The following CTNNA3 variants were observed in gnomAD, a reference collection of about 807,000 sequenced individuals.
CTNNA3 encodes the protein catenin alpha 3.
A neutral mutation model predicts 95.7 loss-of-function variants in CTNNA3; 76 were observed. That is an observed-to-expected ratio of 0.79 (90% confidence interval 0.66 to 0.96). The LOEUF (loss-of-function observed/expected upper bound fraction) is 0.96. Among genes scored for constraint, CTNNA3 ranks in the 40% least tolerant of loss-of-function variants. The pLI is 0.00. For synonymous variants in CTNNA3, 431 were observed against 374.4 expected, an observed-to-expected ratio of 1.15 and a Z score of -1.74; for missense variants, 1,191 against 1,089.8, an observed-to-expected ratio of 1.09 and a Z score of -1.31.
chr10:67,760,261 C>T (rs146142627), intron 1 of CTNNA3, among the ~76,000 whole-genome samples: 1 of 152,272 alleles, frequency 6.6e-6, no homozygotes, highest in African/African-American at 2.4e-5. Flanking sequence ...CTGACATATG[C>T]CTTCAACATT....
chr10:66,635,780 T>G (rs538609146), intron 9 of CTNNA3, among the ~76,000 whole-genome samples: 2 of 152,108 alleles, frequency 1.3e-5, no homozygotes, highest in Non-Finnish European at 2.9e-5. Context: ...AGAATGACAG[T>G]AGGCAATCAA....
intron 7 of CTNNA3, among the ~76,000 whole-genome samples, chr10:67,037,728 G>A (rs1854151970): frequency 6.6e-6 from 1 of 152,126 alleles, no homozygotes; most frequent in Admixed American, 6.5e-5. Context: ...AGGTGTAGGT[G>A]GTGTGAGAGG....
intron 1 of CTNNA3, among the ~76,000 whole-genome samples, chr10:67,713,538 T>C (rs1225840559): frequency 6.6e-6 from 1 of 152,216 alleles, no homozygotes; most frequent in Non-Finnish European, 1.5e-5. Flanking sequence ...CCAACCCAGA[T>C]GCCCATCAAT....
chr10:67,335,540 C>A (rs1034350256), intron 5 of CTNNA3, among the ~76,000 whole-genome samples: 1 of 152,188 alleles, frequency 6.6e-6, no homozygotes, highest in Non-Finnish European at 1.5e-5. Flanking sequence ...CCACTACAAC[C>A]ACTATCACTC....
chr10:67,076,479 A>T (rs1005442917), intron 7 of CTNNA3, among the ~76,000 whole-genome samples: 9 of 152,220 alleles, frequency 5.9e-5, no homozygotes, highest in Non-Finnish European at 2.9e-5. Context: ...GTCTCCAAGA[A>T]TCTATTTCCA....
At chr10:66,457,782 T>C (rs2093504518) in intron 11 of CTNNA3, among the ~76,000 whole-genome samples, 2 of 151,986 alleles carry the variant, frequency 1.3e-5, no homozygotes, top group Admixed American at 6.6e-5. Context: ...GTATCATCAG[T>C]AGTGGGAGCA....
At chr10:66,918,706 AC>A (rs1391762405) in intron 7 of CTNNA3, among the ~76,000 whole-genome samples, 1 of 152,230 alleles carries the variant, frequency 6.6e-6, no homozygotes, top group African/African-American at 2.4e-5. Flanking sequence ...CTTGATACGA[AC>A]AAACCTACTT....
intron 13 of CTNNA3, among the ~76,000 whole-genome samples, chr10:66,182,777 A>G (rs148648310): frequency 2.9e-4 from 44 of 152,248 alleles, no homozygotes; most frequent in African/African-American, 1.0e-3. Context: ...TGAAAGCAAA[A>G]TGTCCATCCT....
intron 15 of CTNNA3, among the ~76,000 whole-genome samples, chr10:66,059,725 G>A (rs968973393): frequency 6.6e-6 from 1 of 152,014 alleles, no homozygotes; most frequent in Non-Finnish European, 1.5e-5. Context: ...CTCAGTGAAT[G>A]AGCCAATGGA....
At chr10:67,564,387 G>A (rs992957897) in intron 3 of CTNNA3, among the ~76,000 whole-genome samples, 20 of 146,850 alleles carry the variant, frequency 1.4e-4, no homozygotes, top group Admixed American at 9.0e-4. Context: ...GCAAACTATC[G>A]CAAGGACAGA....
chr10:66,393,093 T>G (rs1345138950), intron 11 of CTNNA3, among the ~76,000 whole-genome samples: 1 of 152,030 alleles, frequency 6.6e-6, no homozygotes, highest in Non-Finnish European at 1.5e-5. Flanking sequence ...AGAAAAGACA[T>G]GCAGGAAATT....
chr10:66,394,280 A>T (rs1201814227), intron 11 of CTNNA3, among the ~76,000 whole-genome samples: 1 of 132,818 alleles, frequency 7.5e-6, no homozygotes, highest in Non-Finnish European at 1.5e-5. Context: ...AGGTGGCCAT[A>T]GAAGAATAAA....
chr10:66,878,182 C>T (rs1439233771), intron 7 of CTNNA3, among the ~76,000 whole-genome samples: 2 of 152,110 alleles, frequency 1.3e-5, no homozygotes, highest in African/African-American at 4.8e-5. Flanking sequence ...GATATCAAAT[C>T]CTATCTTCCA....
At chr10:66,641,845 GC>G (rs1845527570) in intron 9 of CTNNA3, among the ~76,000 whole-genome samples, 2 of 152,008 alleles carry the variant, frequency 1.3e-5, no homozygotes, top group South Asian at 4.2e-4. Flanking sequence ...ATGTCTTATA[GC>G]CAGCAGGCTT....
At chr10:66,679,099 T>C (rs1846973011) in intron 9 of CTNNA3, among the ~76,000 whole-genome samples, 1 of 152,182 alleles carries the variant, frequency 6.6e-6, no homozygotes, top group African/African-American at 2.4e-5. Context: ...GTAGGATATC[T>C]AGGTGGTGAG....
chr10:66,483,435 T>C (rs1054752902), intron 11 of CTNNA3, among the ~76,000 whole-genome samples: 4 of 152,222 alleles, frequency 2.6e-5, no homozygotes, highest in Admixed American at 6.5e-5. Flanking sequence ...TGGCATTACA[T>C]AGAATTGAGG....
At chr10:66,167,925 G>A (rs1046929503) in intron 13 of CTNNA3, among the ~76,000 whole-genome samples, 4 of 152,236 alleles carry the variant, frequency 2.6e-5, no homozygotes, top group Admixed American at 6.5e-5. Context: ...CCTAGTCATC[G>A]GCTAAGCACA....
rs150978443 is a variant in CTNNA3, at chr10:67,730,624, A to G, written c.-2+32810T>C. Among the ~76,000 whole-genome samples the G allele has an allele frequency of 1.6e-3, 249 of 152,260 alleles. 1 individual carries two copies. Among genetic ancestry groups the G allele is most frequent in the African/African-American group, 5.6e-3 (233 of 41,568 alleles). On this transcript the variant is annotated intron_variant, in intron 1 of 17. Transcript: ENST00000684154. ...TGAGCAGTAGGCTTAAGATTGGAGC[A>G]GAAGGATAGAGGCTCTAAGAAGGGA... is the stretch of plus-strand genomic sequence containing the variant.
At chr10:66,787,120 A>G (rs1350103209) in intron 7 of CTNNA3, among the ~76,000 whole-genome samples, 2 of 152,204 alleles carry the variant, frequency 1.3e-5, no homozygotes, top group Non-Finnish European at 2.9e-5. Flanking sequence ...AGTGAGTCAG[A>G]GGAGAGGCGA....
Sources: allele counts gnomAD v4.1 joint callset (sites outside exome capture counted in the v4.1 genomes callset), GRCh38; gene constraint gnomAD v4.1.1; transcripts MANE v1.5; gene names NCBI Gene and HGNC (gene_info 2026-07-23, HGNC 2026-07-21).